The following WWOX variants were observed in gnomAD, a reference collection of about 807,000 sequenced individuals.
The protein encoded by WWOX is WW domain-containing oxidoreductase.
Under a neutral mutation model 46.2 loss-of-function variants are expected in WWOX, and 69 were observed. The ratio of observed to expected loss-of-function variants is 1.49; its 90% CI spans 1.23 to 1.82. The LOEUF (loss-of-function observed/expected upper bound fraction) is 1.82. Among genes scored for constraint, WWOX ranks in the 40% most tolerant of loss-of-function variants. The pLI, the probability that WWOX is intolerant of heterozygous loss-of-function variation, is 0.00. For synonymous variants in WWOX, 359 were observed against 202.6 expected (o/e 1.77, Z -6.56); for missense variants, 919 against 542.6 (o/e 1.69, Z -6.89).
chr16:79,182,409 A>G (rs2050930348), intron 8 of WWOX, among the ~76,000 whole-genome samples: 1 of 151,720 alleles, frequency 6.6e-6, no homozygotes, highest in Non-Finnish European at 1.5e-5. Flanking sequence ...ATTTTTCCTT[A>G]TCCCGTTAAT....
intron 4 of WWOX, among the ~76,000 whole-genome samples, chr16:78,127,615 A>G (rs2033416458): frequency 6.6e-6 from 1 of 151,576 alleles, no homozygotes; most frequent in Non-Finnish European, 1.5e-5. Flanking sequence ...GAAAACTATT[A>G]TTCTTTAAAA....
intron 6 of WWOX, among the ~76,000 whole-genome samples, chr16:78,420,617 G>A (rs988543014): frequency 3.3e-5 from 5 of 150,836 alleles, no homozygotes; most frequent in African/African-American, 1.2e-4. Flanking sequence ...GGGAATAAGA[G>A]TGTAGGTAGA....
At chr16:78,417,038 G>C (rs984247869) in intron 6 of WWOX, among the ~76,000 whole-genome samples, 1 of 115,516 alleles carries the variant, frequency 8.7e-6, no homozygotes, top group African/African-American at 6.1e-5. Flanking sequence ...TGACCCTTTG[G>C]GGGTGTGTGT....
chr16:79,095,542 G>A (rs1288117497), intron 8 of WWOX, among the ~76,000 whole-genome samples: 1 of 152,144 alleles, frequency 6.6e-6, no homozygotes, highest in African/African-American at 2.4e-5. Flanking sequence ...TGCAGGGTGA[G>A]GCGCGGGGGA....
chr16:78,988,357 A>G (rs2046821255), intron 8 of WWOX, among the ~76,000 whole-genome samples: 1 of 151,118 alleles, frequency 6.6e-6, no homozygotes, highest in Admixed American at 6.6e-5. Context: ...AAAAAATAAA[A>G]AAAAAAAAAA....
chr16:79,117,408 C>T (rs1387536824), intron 8 of WWOX, among the ~76,000 whole-genome samples: 1 of 152,160 alleles, frequency 6.6e-6, no homozygotes, highest in Non-Finnish European at 1.5e-5. Flanking sequence ...TAGACGTGGT[C>T]TCATCCAGGG....
At chr16:78,206,529 G>C (rs1280686220) in intron 5 of WWOX, among the ~76,000 whole-genome samples, 1 of 152,130 alleles carries the variant, frequency 6.6e-6, no homozygotes, top group African/African-American at 2.4e-5. Context: ...CTACTACCTG[G>C]AGTAGGAATG....
intron 8 of WWOX, among the ~76,000 whole-genome samples, chr16:78,741,330 G>C (rs1005722557): frequency 6.6e-6 from 1 of 152,214 alleles, no homozygotes; most frequent in African/African-American, 2.4e-5. Context: ...GGAGGCCAAG[G>C]TGGGCAGATT....
intron 8 of WWOX, among the ~76,000 whole-genome samples, chr16:79,020,285 GA>G (rs1353863059): frequency 6.6e-6 from 1 of 152,222 alleles, no homozygotes; most frequent in Non-Finnish European, 1.5e-5. Flanking sequence ...GGCAGTCATG[GA>G]AGACTTCTTA....
intron 8 of WWOX, among the ~76,000 whole-genome samples, chr16:78,801,463 C>G (rs140723487): frequency 6.6e-6 from 1 of 152,286 alleles, no homozygotes; most frequent in East Asian, 1.9e-4. Flanking sequence ...AAGCTGATAT[C>G]ATGTCACCGC....
chr16:79,103,873 G>A (rs536369230), intron 8 of WWOX, among the ~76,000 whole-genome samples: 1 of 152,084 alleles, frequency 6.6e-6, no homozygotes, highest in Non-Finnish European at 1.5e-5. Flanking sequence ...GATACACTCT[G>A]TAGGACAAAC....
chr16:78,166,259 T>C (rs1395613255), intron 5 of WWOX, among the ~76,000 whole-genome samples: 1 of 152,180 alleles, frequency 6.6e-6, no homozygotes, highest in African/African-American at 2.4e-5. Context: ...TATTCCATCA[T>C]GTGCTTATGC....
chr16:79,165,288 G>A (rs747060940), intron 8 of WWOX, among the ~76,000 whole-genome samples: 2 of 152,240 alleles, frequency 1.3e-5, no homozygotes, highest in East Asian at 1.9e-4. Context: ...TCAATTTCAT[G>A]TGTGTGTGCA....
intron 8 of WWOX, among the ~76,000 whole-genome samples, chr16:78,710,494 A>ATATATATATATATT (rs1192148326): frequency 7.4e-6 from 1 of 135,644 alleles, no homozygotes; most frequent in East Asian, 2.1e-4. Flanking sequence ...ATATATATAT[A>ATATATATATATATT]TATATTTATA....
At chr16:78,709,605 C>CTG (rs969828496) in intron 8 of WWOX, among the ~76,000 whole-genome samples, 5 of 152,164 alleles carry the variant, frequency 3.3e-5, no homozygotes, top group African/African-American at 1.2e-4. Context: ...GGTGAGCGTG[C>CTG]TGTGGGTACC....
At chr16:78,190,790 A>C (rs563765285) in intron 5 of WWOX, among the ~76,000 whole-genome samples, 1 of 152,308 alleles carries the variant, frequency 6.6e-6, no homozygotes, top group South Asian at 2.1e-4. Context: ...TGCATACTTC[A>C]TCAAGTTGTA....
intron 1 of WWOX, among the ~76,000 whole-genome samples, chr16:78,101,498 C>T (rs1423328830): frequency 6.6e-6 from 1 of 152,086 alleles, no homozygotes; most frequent in Non-Finnish European, 1.5e-5. Flanking sequence ...AGGCGCCCGC[C>T]ACCAGGCCTG....
intron 8 of WWOX, among the ~76,000 whole-genome samples, chr16:79,190,276 C>T (rs2051108249): frequency 6.6e-6 from 1 of 152,124 alleles, no homozygotes; most frequent in African/African-American, 2.4e-5. Flanking sequence ...CTGCCTGCCT[C>T]AGCCTCTCAC....
intron 6 of WWOX, among the ~76,000 whole-genome samples, chr16:78,415,988 G>T (rs1288904497): frequency 6.6e-6 from 1 of 152,158 alleles, no homozygotes; most frequent in Non-Finnish European, 1.5e-5. Context: ...TTTATCTGTG[G>T]GTAGATGAGA....
Sources: allele counts gnomAD v4.1 joint callset (sites outside exome capture counted in the v4.1 genomes callset), GRCh38; gene constraint gnomAD v4.1.1; transcripts MANE v1.5; gene names NCBI Gene and HGNC (gene_info 2026-07-23, HGNC 2026-07-21).